Variants in ANK2 observed in about 807,000 individuals in gnomAD.
ANK2 encodes ankyrin-2.
In ANK2, 83 loss-of-function variants were observed where a neutral mutation model predicts 360.5. The observed-to-expected ratio is 0.23, with a 90% CI of 0.19 to 0.28. The LOEUF is 0.28. ANK2 is among the 10% of genes least tolerant of loss of function. The pLI is 1.00. For missense variants in ANK2, 4,201 were observed against 4,795.7 expected (o/e 0.88, Z 3.66); for synonymous variants, 1,740 against 1,759.5 (o/e 0.99, Z 0.28).
At chr4:113,237,465 G>A (rs2099392506) in intron 6 of ANK2, 134 bp from the exon 7 acceptor site, 4 of 894,040 alleles carry the variant, frequency 4.5e-6, no homozygotes, top group Admixed American at 1.7e-5. Context: ...TGGTGCTTGG[G>A]GATGTCTTCT....
At chr4:113,293,060 C>A in intron 21 of ANK2, 1 of 372,686 alleles carries the variant, frequency 2.7e-6, no homozygotes. Context: ...TTACCTGCAG[C>A]AGATGGCCTG....
chr4:113,041,839 T>A (rs1393684392), intron 2 of ANK2, among the ~76,000 whole-genome samples: 1 of 152,166 alleles, frequency 6.6e-6, no homozygotes, highest in South Asian at 2.1e-4. Context: ...GGTTTGCAGA[T>A]GACTGTCTTC....
chr4:113,355,588 C>A lies in ANK2; in HGVS notation c.6970C>A (p.Gln2324Lys), dbSNP rs758842014. 6.2e-7 allele frequency: 1 copy of A among 1,614,092 alleles called. No homozygotes were observed. Among genetic ancestry groups the A allele is most frequent in the Non-Finnish European group, 8.5e-7 (1 of 1,179,974 alleles). The change falls in exon 38 of 46, where the codon CAA becomes AAA. Residue 2324 changes from glutamine (Q) to lysine (K), a missense_variant. Coordinates refer to ENST00000357077, the MANE Select transcript of ANK2 (RefSeq NM_001148.6). ...GSPKDTSPKR[Q>K]DDCTGSCSVA... Reference sequence around the variant, plus strand: ...TCCCAAAGACACAAGCCCTAAAAGACAAGATGATTGCACAGGCAGCTGTAG... The same window carrying A: ...TCCCAAAGACACAAGCCCTAAAAGAAAAGATGATTGCACAGGCAGCTGTAG...
intron 14 of ANK2, among the ~76,000 whole-genome samples, chr4:113,269,696 T>A (rs1414523524): frequency 8.0e-6 from 1 of 124,488 alleles, no homozygotes; most frequent in African/African-American, 3.0e-5. Context: ...CGCTGGGATC[T>A]GCAGATGGGA....
intron 1 of ANK2, among the ~76,000 whole-genome samples, chr4:112,863,422 G>T (rs1560839007): frequency 6.7e-6 from 1 of 149,734 alleles, no homozygotes. Flanking sequence ...TAAATTCAAA[G>T]ATTAGATTTC....
rs565170013 is a variant in ANK2 at position 112,940,933 on chromosome 4, C to G, written c.21+36419C>G. Among the ~76,000 whole-genome samples, 111 of 152,174 alleles carry G rather than the reference C, an allele frequency of 7.3e-4. 1 individual carries two copies. Among genetic ancestry groups the G allele is most frequent in the Non-Finnish European group, 1.4e-3 (95 of 67,942 alleles). Reference sequence around the variant, plus strand: ...CTAATGCTCACATTTCTATTAAAAACTTAACATCTATGGGAGAAAGGGACA... The same window carrying G: ...CTAATGCTCACATTTCTATTAAAAAGTTAACATCTATGGGAGAAAGGGACA... On this transcript the variant is annotated intron_variant, in intron 2 of 30. Transcript: ENST00000503271.
chr4:113,147,933 A>T (rs139143355), intron 1 of ANK2, among the ~76,000 whole-genome samples: 1,839 of 152,336 alleles, frequency 0.012, 89 homozygotes, highest in Admixed American at 0.076. Context: ...ATTTTTAATC[A>T]CAGAGGGGAA....
intron 4 of ANK2, among the ~76,000 whole-genome samples, chr4:113,228,870 C>A (rs1341798088): frequency 1.3e-5 from 2 of 152,096 alleles, no homozygotes; most frequent in African/African-American, 2.4e-5. Context: ...GGTTAAGTAT[C>A]TCCTACTTTG....
In ANK2 at chr4:113,096,004, A is replaced by G. The variant is rs572353533; in HGVS notation, c.84+46192A>G. Among the ~76,000 whole-genome samples the G allele has an allele frequency of 3.9e-5, 6 of 152,268 alleles. No individual in the cohort carries two copies. In the South Asian group the frequency reaches 1.2e-3, roughly 32 times the overall value. ...TGTCTGATTAGAACCCTTCTTCCCC[A>G]TGGTGCTCTGATGAGGGGCTGCCAA... On this transcript the variant is annotated intron_variant, in intron 1 of 45. Coordinates refer to ENST00000357077, the MANE Select transcript of ANK2 (RefSeq NM_001148.6).
intron 2 of ANK2, among the ~76,000 whole-genome samples, chr4:112,982,370 A>G (rs552805183): frequency 5.3e-5 from 8 of 152,348 alleles, no homozygotes; most frequent in Non-Finnish European, 1.2e-4. Context: ...GTAATCAAAA[A>G]GGCGGAGTAA....
rs367579671 is a variant in ANK2, at chr4:113,022,976, T to C, written c.21+118462T>C. ...CATAACTCTGTGGAGTGTCTAATAG[T>C]CAAAAATAGGTTGAGTGTGATCAGG... is the stretch of plus-strand genomic sequence containing the variant. On this transcript the variant is annotated intron_variant, in intron 2 of 30. Coordinates refer to the ANK2 transcript ENST00000503271. Among the ~76,000 whole-genome samples, 3 of 152,148 alleles carry C rather than the reference T, an allele frequency of 2.0e-5. No homozygotes were observed. The East Asian group carries it at 5.8e-4, about 29-fold the overall frequency.
At chr4:112,747,285 G>A in the ANK2 span, among the ~76,000 whole-genome samples, 5 of 152,142 alleles carry the variant, frequency 3.3e-5, no homozygotes, top group South Asian at 8.3e-4. Flanking sequence ...CACTAATAAG[G>A]AACAAACACA....
intron 39 of ANK2, among the ~76,000 whole-genome samples, chr4:113,362,577 T>C (rs1032415297): frequency 6.6e-6 from 1 of 152,174 alleles, no homozygotes; most frequent in African/African-American, 2.4e-5. Flanking sequence ...CCTGAGTAGC[T>C]AGGACCTCAG....
At chr4:113,271,909 C>G (rs1176504432) in intron 14 of ANK2, among the ~76,000 whole-genome samples, 2 of 152,150 alleles carry the variant, frequency 1.3e-5, no homozygotes, top group Non-Finnish European at 2.9e-5. Flanking sequence ...GTCCAGTGTC[C>G]TCAGTGGACA....
chr4:113,129,614 T>G, intron 1 of ANK2, among the ~76,000 whole-genome samples: 1 of 152,206 alleles, frequency 6.6e-6, no homozygotes, highest in East Asian at 1.9e-4. Flanking sequence ...AAGGAGCTGC[T>G]ATATAGTACA....
At chr4:113,338,510 A>G (rs2091247) in intron 31 of ANK2, among the ~76,000 whole-genome samples, 22,123 of 150,270 alleles carry the variant, frequency 0.15, 3,316 homozygotes, top group African/African-American at 0.39. Flanking sequence ...TAAAATATGA[A>G]GTTTAAGAAC....
chr4:113,218,473 A>G (rs1260729773), intron 4 of ANK2, among the ~76,000 whole-genome samples: 1 of 151,408 alleles, frequency 6.6e-6, no homozygotes, highest in African/African-American at 2.4e-5. Context: ...AAAATGACTG[A>G]CATTGATGAA....
intron 2 of ANK2, among the ~76,000 whole-genome samples, chr4:112,926,249 A>T (rs1222627413): frequency 6.6e-6 from 1 of 152,202 alleles, no homozygotes; most frequent in Non-Finnish European, 1.5e-5. Flanking sequence ...CATTGAGGAT[A>T]CAAAGAAGTA....
chr4:113,260,557 T>C (rs767242264), intron 13 of ANK2, among the ~76,000 whole-genome samples: 5 of 152,196 alleles, frequency 3.3e-5, no homozygotes, highest in Non-Finnish European at 7.3e-5. Flanking sequence ...TACCTATTGA[T>C]AGGGTTGCCA....
Sources: gnomAD v4.1 joint callset for allele counts (sites outside exome capture counted in the v4.1 genomes callset) on GRCh38, gnomAD v4.1.1 for gene constraint, MANE v1.5 for transcripts, NCBI Gene and HGNC (gene_info 2026-07-23, HGNC 2026-07-21) for gene names.